Variants in KLHL1 observed in about 807,000 individuals in gnomAD.
The protein encoded by KLHL1 is kelch-like protein 1.
Under a neutral mutation model 77.7 loss-of-function variants are expected in KLHL1, and 47 were observed. That is an observed-to-expected ratio of 0.60 (90% CI 0.48 to 0.77). KLHL1 has a LOEUF of 0.77. Ranked by LOEUF, KLHL1 falls within the 30% of genes least tolerant of loss-of-function variation. The probability of loss-of-function intolerance (pLI) is 0.00; values close to 1 mark genes in which losing one functional copy is unlikely to be tolerated. For synonymous variants in KLHL1, 360 were observed against 325.2 expected, an observed-to-expected ratio of 1.11 and a Z score of -1.15; for missense variants, 925 against 910.8, an observed-to-expected ratio of 1.02 and a Z score of -0.20.
chr13:69,766,153 T>A (rs1304035969), intron 7 of KLHL1, among the ~76,000 whole-genome samples: 1 of 152,174 alleles, frequency 6.6e-6, no homozygotes, highest in Non-Finnish European at 1.5e-5. Flanking sequence ...ATTTAACATT[T>A]CCTATATATG....
intron 2 of KLHL1, among the ~76,000 whole-genome samples, chr13:69,963,958 G>T (rs1884140996): frequency 6.6e-6 from 1 of 152,036 alleles, no homozygotes; most frequent in African/African-American, 2.4e-5. Context: ...ATTTACACAT[G>T]ACATAGAATT....
At chr13:69,730,266 A>AAT (rs148744509) in intron 8 of KLHL1, among the ~76,000 whole-genome samples, 5,131 of 125,142 alleles carry the variant, frequency 0.041, 276 homozygotes, top group African/African-American at 0.16. Context: ...CTAACACTTT[A>AAT]ATGTGTGTGT....
At chr13:69,949,615 G>T (rs1216673210) in intron 3 of KLHL1, among the ~76,000 whole-genome samples, 1 of 151,642 alleles carries the variant, frequency 6.6e-6, no homozygotes, top group Non-Finnish European at 1.5e-5. Context: ...TTACGGAGGG[G>T]GGAGTTGTAC....
intron 6 of KLHL1, chr13:69,803,156 G>A (rs1877466461): frequency 6.6e-6 from 1 of 152,078 alleles, no homozygotes; most frequent in Non-Finnish European, 1.5e-5. Context: ...TTGAGTAAAG[G>A]TGTTTTGTGT....
intron 3 of KLHL1, among the ~76,000 whole-genome samples, chr13:69,942,730 C>T (rs146722310): frequency 4.2e-4 from 64 of 152,174 alleles, no homozygotes; most frequent in African/African-American, 1.4e-3. Flanking sequence ...TACTTTCAGC[C>T]ATCACATGTC....
chr13:70,089,445 G>T (rs1236218392), intron 1 of KLHL1, among the ~76,000 whole-genome samples: 1 of 151,918 alleles, frequency 6.6e-6, no homozygotes, highest in Non-Finnish European at 1.5e-5. Context: ...TAATTTCTTG[G>T]CCAACATATC....
intron 1 of KLHL1, among the ~76,000 whole-genome samples, chr13:70,084,914 T>C (rs1887496379): frequency 6.6e-6 from 1 of 152,082 alleles, no homozygotes; most frequent in African/African-American, 2.4e-5. Context: ...AAACGCGGAA[T>C]TTTGAAGCAA....
intron 1 of KLHL1, among the ~76,000 whole-genome samples, chr13:69,982,649 T>A (rs1884744529): frequency 6.6e-6 from 1 of 151,204 alleles, no homozygotes; most frequent in African/African-American, 2.4e-5. Flanking sequence ...TTAATGAAAA[T>A]AAATTAAATT....
intron 1 of KLHL1, among the ~76,000 whole-genome samples, chr13:70,103,495 T>A (rs972586074): frequency 6.6e-6 from 1 of 151,982 alleles, no homozygotes; most frequent in Non-Finnish European, 1.5e-5. Flanking sequence ...TTGACTTCAG[T>A]GTAGAGAATG....
intron 5 of KLHL1, among the ~76,000 whole-genome samples, chr13:69,873,798 C>A (rs955477628): frequency 6.6e-6 from 1 of 151,988 alleles, no homozygotes; most frequent in African/African-American, 2.4e-5. Flanking sequence ...CTTGCTAAGA[C>A]CAAGAATAAA....
At position 70,043,415 on chromosome 13, in the gene KLHL1, AAAAT is replaced by A. The variant is rs370467155; in HGVS notation, c.497+63784_497+63787del. Among the ~76,000 whole-genome samples, 15 of 152,268 alleles carry A rather than the reference AAAAT, an allele frequency of 9.9e-5. No homozygotes were observed. In the East Asian group the frequency reaches 1.2e-3, roughly 12 times the overall value. The stretch of plus-strand genomic sequence containing the variant: ...AGATCAATTTATTATTGAAGAAAGA[AAAAT>A]AAATAAATTTAGTGTAGCCAAAACA... On this transcript the variant is annotated intron_variant, in intron 1 of 10. Transcript: ENST00000377844.
At chr13:70,021,963 T>A (rs1429879198) in intron 1 of KLHL1, among the ~76,000 whole-genome samples, 2 of 152,074 alleles carry the variant, frequency 1.3e-5, no homozygotes, top group South Asian at 2.1e-4. Flanking sequence ...TTCCCTTCTC[T>A]GTTGCAGAGC....
chr13:70,068,159 G>A (rs902658030), intron 1 of KLHL1, among the ~76,000 whole-genome samples: 2 of 151,978 alleles, frequency 1.3e-5, no homozygotes, highest in African/African-American at 4.8e-5. Context: ...GGCTAACACG[G>A]TGAAAACCCA....
intron 7 of KLHL1, among the ~76,000 whole-genome samples, chr13:69,771,621 A>G (rs17794771): frequency 0.24 from 35,852 of 152,082 alleles, 4,298 homozygotes; most frequent in South Asian, 0.31. Flanking sequence ...AGTAGTTATG[A>G]AAGTCTAACT....
In KLHL1 at chr13:69,740,427, C is replaced by T. The variant is rs748882149; in HGVS notation, c.1769G>A (p.Arg590Gln). The T allele has an allele frequency of 3.1e-6, 5 of 1,609,268 alleles. No individual in the cohort carries two copies. The highest frequency in any genetic ancestry group is 1.1e-5 in the South Asian group (1 of 90,388). The part of the protein sequence containing the change: ...WTFVASMSIA[R>Q]STVGVAALNG... ...CAATGCTGCTACACCAACTGTGCTCCGAGCAATTGACATACTGGCTACAAA... is the reference window on the plus strand; with the variant it reads ...CAATGCTGCTACACCAACTGTGCTCTGAGCAATTGACATACTGGCTACAAA... Residue 590 changes from arginine to glutamine, a missense_variant, in exon 8 of 11, where the codon CGG (arginine) becomes CAG (glutamine). Transcript: ENST00000377844.
At chr13:69,803,985 A>G (rs1290301526) in intron 6 of KLHL1, among the ~76,000 whole-genome samples, 1 of 152,188 alleles carries the variant, frequency 6.6e-6, no homozygotes, top group Non-Finnish European at 1.5e-5. Context: ...CCAGGCTTTG[A>G]ACCTACAGAA....
chr13:69,806,670 C>T (rs1472730629), intron 6 of KLHL1, among the ~76,000 whole-genome samples: 3 of 152,146 alleles, frequency 2.0e-5, no homozygotes, highest in East Asian at 1.9e-4. Context: ...AACCCTTGAC[C>T]AACCACTAGG....
At chr13:69,858,428 G>T (rs1880007244) in intron 5 of KLHL1, among the ~76,000 whole-genome samples, 1 of 151,996 alleles carries the variant, frequency 6.6e-6, no homozygotes, top group African/African-American at 2.4e-5. Context: ...TAGTACAAAT[G>T]CAAGCTTGAA....
At chr13:69,703,844 G>A (rs899784668) in intron 10 of KLHL1, among the ~76,000 whole-genome samples, 1 of 151,668 alleles carries the variant, frequency 6.6e-6, no homozygotes, top group African/African-American at 2.4e-5. Context: ...GCCTCAGTGT[G>A]TAGTAGGCCA....
Sources: gnomAD v4.1 joint callset for allele counts (sites outside exome capture counted in the v4.1 genomes callset) on GRCh38, gnomAD v4.1.1 for gene constraint, MANE v1.5 for transcripts, NCBI Gene and HGNC (gene_info 2026-07-23, HGNC 2026-07-21) for gene names.